SGK3: variants seen among roughly 807,000 people sequenced by gnomAD.
SGK3 encodes serum/glucocorticoid regulated kinase family member 3, also known as serine/threonine-protein kinase Sgk3.
Under a neutral mutation model 68.5 loss-of-function variants are expected in SGK3, and 47 were observed. The ratio of observed to expected loss-of-function variants is 0.69; its 90% CI spans 0.54 to 0.87. The LOEUF is 0.87. Among genes scored for constraint, SGK3 ranks in the 40% least tolerant of loss-of-function variants. The pLI is 0.00. For missense variants in SGK3, 479 were observed against 575.5 expected (o/e 0.83, Z 1.72); for synonymous variants, 181 against 189.1 (o/e 0.96, Z 0.35).
intron 1 of SGK3, among the ~76,000 whole-genome samples, chr8:66,736,434 G>A (rs1292733173): frequency 1.3e-5 from 2 of 151,948 alleles, no homozygotes; most frequent in Admixed American, 1.3e-4. Flanking sequence ...CAAAGTTGGT[G>A]CTCAATAAAT....
Position 66,847,755 on chromosome 8 carries a change from T to A in SGK3, c.1230+407T>A, listed in dbSNP as rs1188052207. 2.0e-5 allele frequency among the ~76,000 whole-genome samples: 3 copies of A among 152,292 alleles called. No individual in the cohort carries two copies. The East Asian group carries it at 5.8e-4, about 29-fold the overall frequency. ...GAGACTAACCAACTAGTAAGCTTTTTGTTGAGGGTTTGGGACTATCTAAAG... is the reference window on the plus strand; with the variant it reads ...GAGACTAACCAACTAGTAAGCTTTTAGTTGAGGGTTTGGGACTATCTAAAG... On this transcript the variant is annotated intron_variant, in intron 15 of 16. Coordinates refer to ENST00000521198, the MANE Select transcript of SGK3 (RefSeq NM_001033578.3).
chr8:66,812,448 T>C (rs1194351871), intron 4 of SGK3, among the ~76,000 whole-genome samples: 1 of 151,730 alleles, frequency 6.6e-6, no homozygotes, highest in Admixed American at 6.6e-5. Context: ...TCCCAGCTAC[T>C]CGGGAGGCTG....
At chr8:66,822,041 T>C in intron 5 of SGK3, among the ~76,000 whole-genome samples, 1 of 151,456 alleles carries the variant, frequency 6.6e-6, no homozygotes, top group Admixed American at 6.6e-5. Context: ...TTTTGCCAGG[T>C]AACGGACATA....
In SGK3 at chr8:66,725,503, C is replaced by A. The variant is rs569762905; in HGVS notation, c.-122+12670C>A. On this transcript the variant is annotated intron_variant, in intron 1 of 16. Transcript: ENST00000521198. ...GACTTCTCACTATTTTTTTTTTTAA[C>A]CCTGTGAATATGTAACCCATTGTTA... 9.2e-4 allele frequency among the ~76,000 whole-genome samples: 139 copies of A among 151,060 alleles called. 1 individual carries two copies. The highest frequency in any genetic ancestry group is 3.3e-3 in the African/African-American group (137 of 41,120).
chr8:66,786,925 CTTTTTTTTTTTTTTTTTTTTT>C (rs71249407), intron 1 of SGK3, among the ~76,000 whole-genome samples: 1 of 48,684 alleles, frequency 2.1e-5, no homozygotes, highest in Non-Finnish European at 3.7e-5. Context: ...TTTTCTCTGT[CTTTTTTTTTTTTTTTTTTTTT>C]TTTTTTTTTG....
intron 16 of SGK3, among the ~76,000 whole-genome samples, chr8:66,853,665 T>C (rs895788159): frequency 1.1e-4 from 16 of 152,230 alleles, no homozygotes; most frequent in Admixed American, 2.0e-4. Flanking sequence ...AAGCAGTTTA[T>C]TTCTCTGTTT....
intron 6 of SGK3, among the ~76,000 whole-genome samples, chr8:66,826,964 T>C (rs1388763641): frequency 1.3e-5 from 2 of 152,262 alleles, no homozygotes; most frequent in South Asian, 2.1e-4. Context: ...TTAAGAACTT[T>C]TGAAGGATGA....
chr8:66,849,996 T>A (rs2130746205), intron 15 of SGK3, among the ~76,000 whole-genome samples: 1 of 152,334 alleles, frequency 6.6e-6, no homozygotes, highest in East Asian at 1.9e-4. Flanking sequence ...CTTATGACCC[T>A]AGAGCAAAAT....
At chr8:66,799,052 A>G (rs1271956719) in intron 3 of SGK3, among the ~76,000 whole-genome samples, 1 of 152,230 alleles carries the variant, frequency 6.6e-6, no homozygotes, top group Non-Finnish European at 1.5e-5. Flanking sequence ...CCAGATTTTA[A>G]GTAGCTAACA....
intron 15 of SGK3, among the ~76,000 whole-genome samples, chr8:66,849,886 G>T (rs1810196694): frequency 6.6e-6 from 1 of 152,060 alleles, no homozygotes. Context: ...GCCCAGGGTG[G>T]TGGTTTAAAA....
chr8:66,745,498 C>G (rs565434011), intron 1 of SGK3, among the ~76,000 whole-genome samples: 1 of 151,930 alleles, frequency 6.6e-6, no homozygotes, highest in African/African-American at 2.4e-5. Flanking sequence ...GGCATGAACC[C>G]GGGAGGAGGA....
chr8:66,745,856 A>G (rs1321034364), intron 1 of SGK3, among the ~76,000 whole-genome samples: 1 of 152,162 alleles, frequency 6.6e-6, no homozygotes, highest in Non-Finnish European at 1.5e-5. Context: ...ATGGCAAAAG[A>G]GTGAGTGGAG....
intron 7 of SGK3, among the ~76,000 whole-genome samples, chr8:66,828,967 GGTGTGT>G (rs113679632): frequency 5.0e-5 from 6 of 119,574 alleles, no homozygotes; most frequent in Non-Finnish European, 8.4e-5. Flanking sequence ...GTGGGTGGGG[GGTGTGT>G]GTGTGTGTGT....
intron 1 of SGK3, among the ~76,000 whole-genome samples, chr8:66,744,581 C>T (rs1184153968): frequency 1.6e-4 from 20 of 126,522 alleles, no homozygotes; most frequent in African/African-American, 5.8e-4. Flanking sequence ...GGCTGGAGCT[C>T]ACTGCAACCT....
At chr8:66,844,511 G>C (rs571673031) in intron 14 of SGK3, among the ~76,000 whole-genome samples, 1 of 152,324 alleles carries the variant, frequency 6.6e-6, no homozygotes, top group South Asian at 2.1e-4. Context: ...AAAGCAAACA[G>C]TGTAGGCATT....
intron 1 of SGK3, among the ~76,000 whole-genome samples, chr8:66,762,884 G>A (rs1183237533): frequency 6.6e-6 from 1 of 152,194 alleles, no homozygotes; most frequent in African/African-American, 2.4e-5. Flanking sequence ...CCTATAAATT[G>A]GAAGTTAGAG....
At chr8:66,737,118 C>G (rs958667636) in intron 1 of SGK3, 7 of 151,646 alleles carry the variant, frequency 4.6e-5, no homozygotes, top group Non-Finnish European at 2.9e-5. Flanking sequence ...CGTGAGCCAC[C>G]ACACCTGGCC....
chr8:66,847,378 T>G, intron 15 of SGK3, 30 bp downstream of exon 15: 5 of 1,599,972 alleles, frequency 3.1e-6, no homozygotes, highest in Non-Finnish European at 4.2e-6. Flanking sequence ...GCTCCAGCTT[T>G]ATTTAAGCTT....
At chr8:66,825,483 C>T (rs1809017254) in intron 6 of SGK3, among the ~76,000 whole-genome samples, 1 of 152,094 alleles carries the variant, frequency 6.6e-6, no homozygotes, top group African/African-American at 2.4e-5. Flanking sequence ...CACCCACTAC[C>T]ATGCCCGGCT....
Sources: allele counts gnomAD v4.1 joint callset (sites outside exome capture counted in the v4.1 genomes callset), GRCh38; gene constraint gnomAD v4.1.1; transcripts MANE v1.5; gene names NCBI Gene and HGNC (gene_info 2026-07-23, HGNC 2026-07-21).